DGAT2L6: variants seen among roughly 807,000 people sequenced by gnomAD.
DGAT2L6 encodes diacylglycerol O-acyltransferase 2-like protein 6.
Under a neutral mutation model 25.5 loss-of-function variants are expected in DGAT2L6, and 22 were observed. The observed-to-expected ratio is 0.86, with a 90% CI of 0.62 to 1.23. The LOEUF (loss-of-function observed/expected upper bound fraction) is 1.23. Among genes scored for constraint, DGAT2L6 ranks in the 50% most tolerant of loss-of-function variants. The pLI, the probability that DGAT2L6 is intolerant of heterozygous loss-of-function variation, is 0.00. For missense variants in DGAT2L6, 287 were observed against 253.2 expected (o/e 1.13, Z -0.91); for synonymous variants, 100 against 94.7 (o/e 1.06, Z -0.32).
intron 1 of DGAT2L6, among the ~76,000 whole-genome samples, chrX:70,185,698 G>A (rs1157790076): frequency 3.6e-5 from 4 of 110,584 alleles, no homozygotes; most frequent in African/African-American, 1.3e-4. Flanking sequence ...TGTCCCCATG[G>A]CTTTTAACAT....
In DGAT2L6 at chrX:70,204,987, C is replaced by T. The variant is rs373236459; in HGVS notation, c.895C>T (p.Pro299Ser). 4.2e-6 allele frequency: 5 copies of T among 1,195,447 alleles called. No homozygotes were observed. The highest frequency in any genetic ancestry group is 5.6e-6 in the Non-Finnish European group (5 of 889,832). ...EPLPIPRIKR[P>S]NQKTVDKYHA... ...CCTTCCAATTCCCAGGATTAAGAGG[C>T]CAAACCAGAAGACAGTAGACAAGTA... The change falls in exon 7 of 7, where the codon CCA becomes TCA. Residue 299 changes from proline (P) to serine (S), a missense_variant. By Grantham distance (74) the Pro-to-Ser change is moderately conservative. Coordinates refer to ENST00000333026, the MANE Select transcript of DGAT2L6 (RefSeq NM_198512.3).
chrX:70,192,248 T>C (rs1273578905), intron 1 of DGAT2L6, among the ~76,000 whole-genome samples: 1 of 110,898 alleles, frequency 9.0e-6, no homozygotes, highest in Non-Finnish European at 1.9e-5. Context: ...TGAGACCCCA[T>C]CTCTAACAAC....
In DGAT2L6 at chrX:70,200,405, A is replaced by T. The variant is rs1165805048; in HGVS notation, c.418A>T (p.Thr140Ser). Residue 140 changes from threonine to serine, a missense_variant, in exon 4 of 7, where the codon ACC (threonine) becomes TCC (serine). By Grantham distance (58) the Thr-to-Ser change is moderately conservative. Transcript: ENST00000333026. ...IFPSITPFVG[T>S]LERIFWIPIV... ...CCCATCCATCACTCCCTTTGTAGGG[A>T]CCTTAGAAAGGATATTTTGGATCCC... 1 of 1,210,027 alleles carries T rather than the reference A, an allele frequency of 8.3e-7. No individual in the cohort carries two copies. The highest frequency in any genetic ancestry group is 2.2e-5 in the Admixed American group (1 of 45,764).
At chrX:70,200,128 T>C (rs746564718) in intron 3 of DGAT2L6, 127 bp from the exon 4 acceptor site, 1 of 715,637 alleles carries the variant, frequency 1.4e-6, no homozygotes, top group East Asian at 3.4e-5. Context: ...ATGACAATGA[T>C]GACAACCTAG....
At position 70,184,105 on chromosome X, in the gene DGAT2L6, C is replaced by A. The variant is rs760608888; in HGVS notation, c.85+6438C>A. ...TTCTGTCACTTACTTGCTATGAGAC[C>A]TTATGCAAGTGAGTCTCTGTTATTT... On this transcript the variant is annotated intron_variant, in intron 1 of 6. Coordinates refer to ENST00000333026, the MANE Select transcript of DGAT2L6 (RefSeq NM_198512.3). Among the ~76,000 whole-genome samples, 9 of 111,383 alleles carry A rather than the reference C, an allele frequency of 8.1e-5. No individual in the cohort carries two copies. In the Admixed American group the frequency reaches 8.6e-4, roughly 11 times the overall value.
At chrX:70,181,761 A>G (rs1275053440) in intron 1 of DGAT2L6, among the ~76,000 whole-genome samples, 1 of 112,019 alleles carries the variant, frequency 8.9e-6, no homozygotes, top group Non-Finnish European at 1.9e-5. Flanking sequence ...AAGTGATATT[A>G]GGGTATCGGA....
Position 70,200,100 on chromosome X carries a change from G to A in DGAT2L6, c.268-155G>A, listed in dbSNP as rs1052815940. Among the ~76,000 whole-genome samples the A allele has an allele frequency of 1.4e-4, 16 of 111,689 alleles. No homozygotes were observed. In the Admixed American group the frequency reaches 1.5e-3, roughly 11 times the overall value. ...ACCCAGGTCAGCCTCTCTGACCATC[G>A]TGAGCCCTGGCAATCCTATGACAAT... On this transcript the variant is annotated intron_variant, in intron 3 of 6. Coordinates refer to ENST00000333026, the MANE Select transcript of DGAT2L6 (RefSeq NM_198512.3).
At chrX:70,202,289 C>T in intron 5 of DGAT2L6, among the ~76,000 whole-genome samples, 1 of 112,145 alleles carries the variant, frequency 8.9e-6, no homozygotes, top group Middle Eastern at 4.6e-3. Flanking sequence ...CAGAAGAAAA[C>T]CTTTTACTTT....
At chrX:70,203,232 C>T (rs751349946) in intron 5 of DGAT2L6, among the ~76,000 whole-genome samples, 2 of 112,197 alleles carry the variant, frequency 1.8e-5, no homozygotes, top group South Asian at 7.5e-4. Context: ...GTCTGTCTTC[C>T]TCCCAGAAAA....
chrX:70,187,387 C>T (rs112585976), intron 1 of DGAT2L6, among the ~76,000 whole-genome samples: 1,309 of 110,312 alleles, frequency 0.012, 17 homozygotes, highest in African/African-American at 0.035. Context: ...AAAAAAATAG[C>T]ATGGTGGAAT....
intron 1 of DGAT2L6, among the ~76,000 whole-genome samples, chrX:70,178,178 C>A (rs2085332719): frequency 9.1e-6 from 1 of 109,408 alleles, no homozygotes; most frequent in African/African-American, 3.3e-5. Context: ...TTCTCAGGAG[C>A]TGTCCCCTAT....
chrX:70,201,989 T>C lies in DGAT2L6; in HGVS notation c.572T>C (p.Leu191Pro). The C allele has an allele frequency of 8.3e-7, 1 of 1,209,916 alleles. No homozygotes were observed. Among genetic ancestry groups the C allele is most frequent in the Non-Finnish European group, 1.1e-6 (1 of 894,831 alleles). The change falls in exon 5 of 7, where the codon CTC (leucine) becomes CCC (proline). Residue 191 changes from leucine to proline, a missense_variant. Leu to Pro is a moderately conservative substitution (Grantham distance 98). Coordinates refer to ENST00000333026, the MANE Select transcript of DGAT2L6 (RefSeq NM_198512.3). ...GTGGTGGGTGGAGCTGCTGAAGCTC[T>C]CTTGTGCCGACCAGGAGCCTCCACT... Reference protein sequence around the residue: ...VIVVGGAAEALLCRPGASTLF... With the variant: ...VIVVGGAAEAPLCRPGASTLF...
chrX:70,177,655 T>C lies in DGAT2L6; in HGVS notation c.73T>C (p.Tyr25His), dbSNP rs1257811162. 1 of 1,206,134 alleles carries C rather than the reference T, an allele frequency of 8.3e-7. No individual in the cohort carries two copies. Among genetic ancestry groups the C allele is most frequent in the African/African-American group, 1.8e-5 (1 of 56,969 alleles). Residue 25 changes from tyrosine (Y) to histidine (H), a missense_variant, in exon 1 of 7, where the codon TAT (tyrosine) becomes CAT (histidine). Tyr to His is a moderately conservative substitution (Grantham distance 83). Transcript: ENST00000333026. Reference sequence around the variant, plus strand: ...CTTTGTTTTGCAATGGATCCCAGTCTATATATTTTTAGGTGAGTGAACCCC... The same window carrying C: ...CTTTGTTTTGCAATGGATCCCAGTCCATATATTTTTAGGTGAGTGAACCCC... ...TFFVLQWIPV[Y>H]IFLGAIPILL...
At chrX:70,195,464 TCA>T (rs1256082724) in intron 1 of DGAT2L6, among the ~76,000 whole-genome samples, 8 of 103,584 alleles carry the variant, frequency 7.7e-5, no homozygotes, top group Non-Finnish European at 1.2e-4. Context: ...AAAGAAAGTG[TCA>T]CACACACACA....
At chrX:70,179,160 T>C (rs938878274) in intron 1 of DGAT2L6, among the ~76,000 whole-genome samples, 4 of 112,406 alleles carry the variant, frequency 3.6e-5, no homozygotes, top group African/African-American at 1.3e-4. Context: ...CACAGCCTTC[T>C]CAAAATGCAG....
intron 1 of DGAT2L6, among the ~76,000 whole-genome samples, chrX:70,187,077 C>A (rs2085361844): frequency 1.8e-5 from 2 of 111,791 alleles, no homozygotes; most frequent in Admixed American, 9.5e-5. Flanking sequence ...GAAGGGCAGA[C>A]AAAAGGCTGC....
chrX:70,201,498 G>A (rs752303564), intron 4 of DGAT2L6, among the ~76,000 whole-genome samples: 6 of 111,518 alleles, frequency 5.4e-5, no homozygotes, highest in Non-Finnish European at 1.1e-4. Flanking sequence ...GGCTAGTCTC[G>A]ATTACCCCTG....
At chrX:70,177,744 C>T in intron 1 of DGAT2L6, 77 bp downstream of exon 1, 2 of 897,279 alleles carry the variant, frequency 2.2e-6, no homozygotes, top group Middle Eastern at 3.2e-4. Flanking sequence ...GAGGAGGGTT[C>T]CAAAGAGATC....
chrX:70,178,503 C>T (rs867808823), intron 1 of DGAT2L6, among the ~76,000 whole-genome samples: 3 of 110,753 alleles, frequency 2.7e-5, no homozygotes, highest in Non-Finnish European at 5.7e-5. Flanking sequence ...AAACGGCAAA[C>T]GGGCTGACAG....
Sources: allele counts gnomAD v4.1 joint callset (sites outside exome capture counted in the v4.1 genomes callset), GRCh38; gene constraint gnomAD v4.1.1; transcripts MANE v1.5; gene names NCBI Gene and HGNC (gene_info 2026-07-23, HGNC 2026-07-21).